CD3E: variants seen among roughly 807,000 people sequenced by gnomAD.
The protein encoded by CD3E is T-cell surface glycoprotein CD3 epsilon chain.
In CD3E, 16 loss-of-function variants were observed where a neutral mutation model predicts 34.7. The ratio of observed to expected loss-of-function variants is 0.46; its 90% CI spans 0.31 to 0.70. The LOEUF (loss-of-function observed/expected upper bound fraction) is 0.70, where lower values mean the gene tolerates loss of function less well. CD3E is among the 30% of genes least tolerant of loss of function. The pLI, the probability that CD3E is intolerant of heterozygous loss-of-function variation, is 0.05. For missense variants in CD3E, 223 were observed against 253.9 expected (o/e 0.88, Z 0.83); for synonymous variants, 70 against 90.8 (o/e 0.77, Z 1.30).
chr11:118,315,342 T>C, intron 8 of CD3E, 144 bp from the exon 9 acceptor site: 1 of 698,562 alleles, frequency 1.4e-6, no homozygotes, highest in Non-Finnish European at 2.5e-6. Context: ...TCTCCTACCG[T>C]CCATGCCAAA....
At chr11:118,312,219 G>C in intron 5 of CD3E, 49 bp downstream of exon 5, 1 of 1,516,198 alleles carries the variant, frequency 6.6e-7, no homozygotes, top group Non-Finnish European at 9.2e-7. Context: ...ATGCAGATTG[G>C]TGGGTAGATG....
In CD3E at chr11:118,306,486, G is replaced by GATAAATAA. The variant is rs141298357; in HGVS notation, c.50-768_50-761dup. ...CTCCAGCCTGGAGTGTCTCAAAATAGATAAATAAATAAATAAATAAATAAA... is the reference window on the plus strand; with the variant it reads ...CTCCAGCCTGGAGTGTCTCAAAATAGATAAATAAATAAATAAATAAATAAATAAATAAA... On this transcript the variant is annotated intron_variant, in intron 2 of 8. Transcript: ENST00000361763. Among the ~76,000 whole-genome samples the GATAAATAA allele has an allele frequency of 5.9e-3, 865 of 145,490 alleles. 9 individuals are homozygous for GATAAATAA. Among genetic ancestry groups the GATAAATAA allele is most frequent in the African/African-American group, 0.016 (625 of 38,716 alleles).
chr11:118,308,026 A>T (rs937469085), intron 3 of CD3E, among the ~76,000 whole-genome samples: 2 of 152,152 alleles, frequency 1.3e-5, no homozygotes, highest in African/African-American at 4.8e-5. Flanking sequence ...AAAATCAGCC[A>T]GACATGGTGG....
At position 118,313,707 on chromosome 11, in the gene CD3E, T is replaced by C. The variant is rs1298258093; in HGVS notation, c.353T>C (p.Val118Ala). The change falls in exon 7 of 9, where the codon GTG becomes GCG. Residue 118 changes from valine to alanine, a missense_variant and splice_region_variant. Coordinates refer to ENST00000361763, the MANE Select transcript of CD3E (RefSeq NM_000733.4). ...ANFYLYLRAR[V>A]CENCMEMDVM... ...CCTCTCCCCACCCCACCCCCCACAGTGTGTGAGAACTGCATGGAGATGGAT... is the reference window on the plus strand; with the variant it reads ...CCTCTCCCCACCCCACCCCCCACAGCGTGTGAGAACTGCATGGAGATGGAT... The C allele has an allele frequency of 5.0e-6, 8 of 1,610,268 alleles. No homozygotes were observed. Among genetic ancestry groups the C allele is most frequent in the Non-Finnish European group, 6.8e-6 (8 of 1,176,924 alleles).
chr11:118,312,178 T>C lies in CD3E; in HGVS notation c.103+8T>C, dbSNP rs1948139171. 1 of 1,610,682 alleles carries C rather than the reference T, an allele frequency of 6.2e-7. No individual in the cohort carries two copies. Among genetic ancestry groups the C allele is most frequent in the Admixed American group, 1.7e-5 (1 of 60,018 alleles). ...GTGGTATTACACAGACACGTGAGTT[T>C]ATTGGTCTTTTATTTATGCCCTGTC... On this transcript the variant is annotated splice_region_variant and intron_variant, in intron 5 of 8. Transcript: ENST00000361763.
At chr11:118,309,813 C>T (rs1948126198) in intron 4 of CD3E, among the ~76,000 whole-genome samples, 1 of 152,170 alleles carries the variant, frequency 6.6e-6, no homozygotes, top group South Asian at 2.1e-4. Flanking sequence ...CAATCCAGTC[C>T]TGGGGATATA....
chr11:118,313,629 T>C (rs1223129347), intron 6 of CD3E, 78 bp from the exon 7 acceptor site: 7 of 1,376,468 alleles, frequency 5.1e-6, no homozygotes, highest in Middle Eastern at 1.9e-4. Flanking sequence ...ATGGCCTTCA[T>C]GCACTCCCTC....
At chr11:118,312,977 G>A (rs767770839) in intron 6 of CD3E, 111 bp downstream of exon 6, 73 of 1,211,250 alleles carry the variant, frequency 6.0e-5, no homozygotes, top group East Asian at 2.3e-4. Context: ...GCGTCTTTGC[G>A]CTTCCTCCCA....
intron 8 of CD3E, among the ~76,000 whole-genome samples, chr11:118,314,760 A>G (rs571109881): frequency 6.6e-6 from 1 of 152,334 alleles, no homozygotes; most frequent in South Asian, 2.1e-4. Flanking sequence ...TGACTGGGAT[A>G]CAGCCATGGA....
At chr11:118,307,262 C>CTT in intron 2 of CD3E, 26 bp from the exon 3 acceptor site, 2 of 1,558,622 alleles carry the variant, frequency 1.3e-6, no homozygotes, top group Non-Finnish European at 1.8e-6. Flanking sequence ...TTTACTAACA[C>CTT]TTTTTTTTTC....
chr11:118,305,034 C>G (rs1485014799), intron 2 of CD3E, 33 bp downstream of exon 2: 1 of 1,599,434 alleles, frequency 6.3e-7, no homozygotes, highest in Non-Finnish European at 8.6e-7. Context: ...GGTGGTGTGT[C>G]TCCAGACCGC....
In CD3E at chr11:118,307,177, A is replaced by G. The variant is rs532754353; in HGVS notation, c.50-111A>G. ...GGCTGTGACCCAGCAGCAAGAGGGA[A>G]GGACATCAGATGTCATCAGTGGTCA... is the stretch of plus-strand genomic sequence containing the variant. On this transcript the variant is annotated intron_variant, in intron 2 of 8. Transcript: ENST00000361763. 11 of 791,858 alleles carry G rather than the reference A, an allele frequency of 1.4e-5. No individual in the cohort carries two copies. In the South Asian group the frequency reaches 1.7e-4, roughly 12 times the overall value. The allele number at this position is 791,858 out of a possible 1,614,324, so 49.1% of individuals were successfully genotyped here. A position where few individuals can be genotyped will look rare whatever the true frequency, so the allele number is the denominator to read the frequency against.
In CD3E at chr11:118,313,599, G is replaced by A. The variant is rs1444123933; in HGVS notation, c.353-108G>A. The A allele has an allele frequency of 3.8e-5, 39 of 1,018,712 alleles. 1 individual carries two copies. The highest frequency in any genetic ancestry group is 2.5e-4 in the Middle Eastern group (1 of 3,972). The allele number at this position is 1,018,712 out of a possible 1,614,324, so 63.1% of individuals were successfully genotyped here. A position where few individuals can be genotyped will look rare whatever the true frequency, so the allele number is the denominator to read the frequency against. ...AGGGGGGGCTCTGACCGTGGCAAGC[G>A]TGTGAGTAGTAAGGGGAGAATGGCC... On this transcript the variant is annotated intron_variant, in intron 6 of 8. Coordinates refer to ENST00000361763, the MANE Select transcript of CD3E (RefSeq NM_000733.4).
intron 6 of CD3E, chr11:118,313,086 C>A: frequency 1.7e-6 from 1 of 600,086 alleles, no homozygotes; most frequent in Non-Finnish European, 3.0e-6. Flanking sequence ...CCAGTCTGTG[C>A]GAGATCTAAA....
intron 1 of CD3E, 31 bp downstream of exon 1, chr11:118,304,807 T>G: frequency 1.3e-6 from 1 of 784,734 alleles, no homozygotes; most frequent in Non-Finnish European, 2.3e-6. Context: ...GCCCTCCTTT[T>G]TCATCCTAGC....
intron 2 of CD3E, 128 bp from the exon 3 acceptor site, chr11:118,307,159 AC>A (rs1948111498): frequency 2.8e-6 from 2 of 714,220 alleles, no homozygotes; most frequent in Admixed American, 4.7e-5. Flanking sequence ...AATGGCTGTG[AC>A]CCAGCAGCAA....
intron 3 of CD3E, among the ~76,000 whole-genome samples, 174 bp downstream of exon 3, chr11:118,307,482 G>C (rs1948113690): frequency 6.6e-6 from 1 of 152,164 alleles, no homozygotes; most frequent in South Asian, 2.1e-4. Flanking sequence ...TTCTAGCCCA[G>C]AAGAGGGAAG....
rs780354214 is a variant in CD3E, at chr11:118,312,716, GGTGATGAGGATGATAAAAACATAGGCA to G, written c.214_240del (p.Asp72_Asp80del). ...GCAACACAATGATAAAAACATAGGC[GGTGATGAGGATGATAAAAACATAGGCA>G]GTGATGAGGATCACCTGTCACTGAA... is the stretch of plus-strand genomic sequence containing the variant. On this transcript the variant is annotated inframe_deletion, in exon 6 of 9. Transcript: ENST00000361763. The G allele has an allele frequency of 2.6e-5, 42 of 1,613,950 alleles. No homozygotes were observed. The African/African-American group carries it at 4.7e-4, about 18-fold the overall frequency.
At position 118,314,421 on chromosome 11, in the gene CD3E, GAAATGTT is replaced by G. The variant is rs1211300861; in HGVS notation, c.521-26_521-20del. ...GCAAGATTGGTTCCCTCATGGGAATGAAATGTTTCCCCTCCTTCCTCCGCAGGACAAA... is the reference window on the plus strand; with the variant it reads ...GCAAGATTGGTTCCCTCATGGGAATGTCCCCTCCTTCCTCCGCAGGACAAA... On this transcript the variant is annotated intron_variant, in intron 7 of 8. Coordinates refer to ENST00000361763, the MANE Select transcript of CD3E (RefSeq NM_000733.4). 1 of 1,609,666 alleles carries G rather than the reference GAAATGTT, an allele frequency of 6.2e-7. No homozygotes were observed.
Sources: allele counts gnomAD v4.1 joint callset (sites outside exome capture counted in the v4.1 genomes callset), GRCh38; gene constraint gnomAD v4.1.1; transcripts MANE v1.5; gene names NCBI Gene and HGNC (gene_info 2026-07-23, HGNC 2026-07-21).